The following KRABD5 variants were observed in gnomAD, a reference collection of about 807,000 sequenced individuals.
The protein encoded by KRABD5 is KRAB domain containing 5, also known as KRAB domain-containing protein 5.
the KRABD5 span, among the ~76,000 whole-genome samples, chr16:31,735,002 G>T: frequency 6.6e-6 from 1 of 151,958 alleles, no homozygotes; most frequent in Non-Finnish European, 1.5e-5. Context: ...ACCCCTCTTG[G>T]CCTCGCAAAG....
chr16:31,723,170 A>C, the KRABD5 span: 1 of 1,380,832 alleles, frequency 7.2e-7, no homozygotes, highest in African/African-American at 1.5e-5. Context: ...AGGATCCTCT[A>C]TAATGTTCCC....
chr16:31,716,982 TGTCA>T, the KRABD5 span, among the ~76,000 whole-genome samples: 2 of 151,174 alleles, frequency 1.3e-5, no homozygotes, highest in Admixed American at 1.3e-4. Flanking sequence ...TTTTGTCTTT[TGTCA>T]GTCAGTCTTT....
At chr16:31,743,734 T>A in the KRABD5 span, among the ~76,000 whole-genome samples, 51 of 152,218 alleles carry the variant, frequency 3.4e-4, no homozygotes, top group Non-Finnish European at 5.4e-4. Flanking sequence ...TTTCACAATG[T>A]TGATTCTTCC....
At chr16:31,713,568 C>T in the KRABD5 span, 2 of 1,322,348 alleles carry the variant, frequency 1.5e-6, no homozygotes, top group Non-Finnish European at 1.0e-6. Context: ...TGGTCCCCTC[C>T]GCCGCAAGAT....
the KRABD5 span, among the ~76,000 whole-genome samples, chr16:31,717,858 G>A: frequency 1.3e-5 from 2 of 152,138 alleles, no homozygotes; most frequent in East Asian, 1.9e-4. Flanking sequence ...CTATTGCCCC[G>A]AAAATCTGCA....
chr16:31,749,832 A>G, the KRABD5 span, among the ~76,000 whole-genome samples: 1 of 151,910 alleles, frequency 6.6e-6, no homozygotes, highest in African/African-American at 2.4e-5. Flanking sequence ...CACACTTATT[A>G]TTGTTCTTTT....
chr16:31,750,181 GTTGT>G, the KRABD5 span, among the ~76,000 whole-genome samples: 10 of 152,268 alleles, frequency 6.6e-5, no homozygotes, highest in Admixed American at 2.0e-4. Flanking sequence ...TGTTTTTCCA[GTTGT>G]TTGTGTTGTC....
the KRABD5 span, among the ~76,000 whole-genome samples, chr16:31,732,370 A>G: frequency 2.0e-5 from 3 of 152,202 alleles, no homozygotes; most frequent in Non-Finnish European, 4.4e-5. Context: ...ATATATATCA[A>G]ATTTGTCTGA....
At chr16:31,722,501 T>C in the KRABD5 span, 1 of 1,033,690 alleles carries the variant, frequency 9.7e-7, no homozygotes. Context: ...AGTATCTTAT[T>C]GAATATTTCA....
the KRABD5 span, among the ~76,000 whole-genome samples, chr16:31,716,242 C>T: frequency 6.6e-6 from 1 of 152,226 alleles, no homozygotes; most frequent in Non-Finnish European, 1.5e-5. Flanking sequence ...GTCATAGTCT[C>T]ATCTGCCTGC....
chr16:31,719,659 CTGTT>C, the KRABD5 span, among the ~76,000 whole-genome samples: 2 of 152,220 alleles, frequency 1.3e-5, no homozygotes, highest in Non-Finnish European at 2.9e-5. Flanking sequence ...CCTCACAGAA[CTGTT>C]TGTTGGAGAT....
At chr16:31,727,794 A>G in the KRABD5 span, among the ~76,000 whole-genome samples, 5 of 152,152 alleles carry the variant, frequency 3.3e-5, no homozygotes, top group Non-Finnish European at 7.3e-5. Context: ...ATAATTGTTC[A>G]TAGTAGTCTC....
chr16:31,728,651 A>G, the KRABD5 span, among the ~76,000 whole-genome samples: 1 of 152,166 alleles, frequency 6.6e-6, no homozygotes, highest in Non-Finnish European at 1.5e-5. Context: ...AATCAGAAAA[A>G]AAAACTTGAT....
chr16:31,733,388 A>G, the KRABD5 span: 1 of 401,018 alleles, frequency 2.5e-6, no homozygotes, highest in African/African-American at 2.1e-5. Context: ...TCTTTTAGGT[A>G]GTCACATTTT....
At chr16:31,745,815 A>G in the KRABD5 span, among the ~76,000 whole-genome samples, 2 of 152,160 alleles carry the variant, frequency 1.3e-5, no homozygotes, top group African/African-American at 2.4e-5. Context: ...TATTGGGTGC[A>G]TATATATTTA....
chr16:31,731,830 G>A, the KRABD5 span, among the ~76,000 whole-genome samples: 372 of 152,298 alleles, frequency 2.4e-3, 1 homozygote, highest in African/African-American at 8.7e-3. Flanking sequence ...TGCCACTTCA[G>A]GATTCCCATT....
At chr16:31,729,117 A>G in the KRABD5 span, among the ~76,000 whole-genome samples, 1 of 152,156 alleles carries the variant, frequency 6.6e-6, no homozygotes, top group African/African-American at 2.4e-5. Context: ...TCTTTTGTTT[A>G]TCATTTGTAT....
the KRABD5 span, among the ~76,000 whole-genome samples, chr16:31,717,981 T>C: frequency 6.6e-6 from 1 of 152,162 alleles, no homozygotes; most frequent in African/African-American, 2.4e-5. Context: ...CAGCTCTGTC[T>C]TTCCATGCCC....
the KRABD5 span, among the ~76,000 whole-genome samples, chr16:31,736,252 A>G: frequency 6.6e-6 from 1 of 152,036 alleles, no homozygotes; most frequent in Non-Finnish European, 1.5e-5. Flanking sequence ...ATATTGGTCT[A>G]TGTGTTTGCT....
Sources: gnomAD v4.1 joint callset for allele counts (sites outside exome capture counted in the v4.1 genomes callset) on GRCh38, gnomAD v4.1.1 for gene constraint, MANE v1.5 for transcripts, NCBI Gene and HGNC (gene_info 2026-07-23, HGNC 2026-07-21) for gene names.